The following PRKG2 variants were observed in gnomAD, a reference collection of about 807,000 sequenced individuals.
PRKG2 encodes the protein protein kinase cGMP-dependent 2.
PRKG2 carries 33 observed loss-of-function variants against 97.2 expected under a neutral mutation model. The ratio of observed to expected loss-of-function variants is 0.34; its 90% confidence interval spans 0.26 to 0.45. PRKG2 has a LOEUF of 0.45. Among genes scored for constraint, PRKG2 ranks in the 20% least tolerant of loss-of-function variants. The pLI is 1.00. For synonymous variants in PRKG2, 330 were observed against 321.8 expected (o/e 1.03, Z -0.27); for missense variants, 638 against 900.0 (o/e 0.71, Z 3.73).
chr4:81,205,802 G>A (rs1317304704), intron 1 of PRKG2, among the ~76,000 whole-genome samples: 1 of 152,054 alleles, frequency 6.6e-6, no homozygotes, highest in Non-Finnish European at 1.5e-5. Context: ...GGTGTAGTGT[G>A]GGAAGTTATG....
chr4:81,130,877 T>C (rs920427135), intron 14 of PRKG2, among the ~76,000 whole-genome samples: 1 of 152,206 alleles, frequency 6.6e-6, no homozygotes, highest in African/African-American at 2.4e-5. Context: ...ACTGCTGTGC[T>C]GGCAGGGAGA....
chr4:81,150,017 A>T (rs556255950), intron 8 of PRKG2, among the ~76,000 whole-genome samples: 2 of 152,146 alleles, frequency 1.3e-5, no homozygotes, highest in South Asian at 4.1e-4. Flanking sequence ...TATCAGTGAA[A>T]ACACTTCAGT....
At chr4:81,160,053 T>C (rs554588549) in intron 6 of PRKG2, among the ~76,000 whole-genome samples, 2 of 152,092 alleles carry the variant, frequency 1.3e-5, no homozygotes, top group African/African-American at 2.4e-5. Context: ...GGCACATGTA[T>C]ACATATGTAA....
intron 17 of PRKG2, among the ~76,000 whole-genome samples, chr4:81,103,977 G>C (rs1231124358): frequency 1.3e-5 from 2 of 152,140 alleles, no homozygotes; most frequent in Non-Finnish European, 1.5e-5. Context: ...ATTGCAATGA[G>C]CCAAGATCGT....
At chr4:81,149,737 CAAGGCACCCAGTGCTCTGAGATTCAT>C (rs1392094431) in intron 8 of PRKG2, among the ~76,000 whole-genome samples, 2 of 152,136 alleles carry the variant, frequency 1.3e-5, no homozygotes, top group African/African-American at 2.4e-5. Flanking sequence ...GGTACATCCA[CAAGGCACCCAGTGCTCTGAGATTCAT>C]TTAAGATGAC....
At chr4:81,110,641 G>C in intron 14 of PRKG2, 30 bp from the exon 15 acceptor site, 1 of 1,611,478 alleles carries the variant, frequency 6.2e-7, no homozygotes, top group South Asian at 1.1e-5. Flanking sequence ...AAATTGTGCA[G>C]AAACCATAAA....
intron 2 of PRKG2, among the ~76,000 whole-genome samples, chr4:81,183,032 A>C (rs1578484753): frequency 6.6e-6 from 1 of 152,272 alleles, no homozygotes; most frequent in East Asian, 1.9e-4. Flanking sequence ...AGCTGATATT[A>C]AATTCTTATA....
At chr4:81,150,476 G>A (rs1748277969) in intron 8 of PRKG2, among the ~76,000 whole-genome samples, 1 of 152,040 alleles carries the variant, frequency 6.6e-6, no homozygotes, top group Non-Finnish European at 1.5e-5. Flanking sequence ...GCATTAAAAG[G>A]CACAAAAATA....
upstream of PRKG2, among the ~76,000 whole-genome samples, chr4:81,216,875 G>T (rs1009407871): frequency 1.4e-5 from 2 of 142,516 alleles, no homozygotes; most frequent in South Asian, 4.4e-4. Context: ...TGTTTTTGTG[G>T]CTGGGTAGTA....
At chr4:81,099,425 C>G (rs549361320) in intron 17 of PRKG2, among the ~76,000 whole-genome samples, 14 of 152,120 alleles carry the variant, frequency 9.2e-5, no homozygotes, top group African/African-American at 3.4e-4. Context: ...AATCAATAAA[C>G]ATAATCCAGC....
At chr4:81,104,134 T>C (rs1743092486) in intron 17 of PRKG2, among the ~76,000 whole-genome samples, 1 of 152,164 alleles carries the variant, frequency 6.6e-6, no homozygotes, top group Non-Finnish European at 1.5e-5. Flanking sequence ...TGTGATTTTG[T>C]AACTTCTTTT....
intron 2 of PRKG2, chr4:81,192,177 T>C (rs1371978217): frequency 3.9e-5 from 6 of 152,190 alleles, no homozygotes; most frequent in African/African-American, 1.4e-4. Context: ...AATCTCACTC[T>C]AGGAACAAAA....
At chr4:81,132,134 T>C (rs1746244392) in intron 14 of PRKG2, among the ~76,000 whole-genome samples, 2 of 152,076 alleles carry the variant, frequency 1.3e-5, no homozygotes, top group Non-Finnish European at 2.9e-5. Context: ...TTTTTACATA[T>C]GAAATTTACT....
intron 14 of PRKG2, among the ~76,000 whole-genome samples, chr4:81,123,279 T>C (rs566316743): frequency 3.4e-4 from 52 of 152,374 alleles, no homozygotes; most frequent in African/African-American, 9.6e-4. Flanking sequence ...TTTGGTGAAA[T>C]TGGCCTTTCA....
chr4:81,168,773 A>G (rs916633042), intron 5 of PRKG2, among the ~76,000 whole-genome samples: 2 of 152,088 alleles, frequency 1.3e-5, no homozygotes, highest in Non-Finnish European at 2.9e-5. Context: ...TTCAATGTTT[A>G]TTGAGCCTAC....
chr4:81,103,219 T>A (rs1396332426), intron 17 of PRKG2, among the ~76,000 whole-genome samples: 1 of 152,212 alleles, frequency 6.6e-6, no homozygotes, highest in Non-Finnish European at 1.5e-5. Flanking sequence ...TGCAGGTGTG[T>A]TACGTATCTA....
chr4:81,137,513 T>C (rs767612650), intron 12 of PRKG2, 31 bp from the exon 13 acceptor site: 6 of 1,548,788 alleles, frequency 3.9e-6, no homozygotes, highest in African/African-American at 1.4e-5. Context: ...ATGGTTATTA[T>C]TGGAAATCTA....
chr4:81,138,254 G>A (rs955532840), intron 12 of PRKG2, among the ~76,000 whole-genome samples: 3 of 152,164 alleles, frequency 2.0e-5, no homozygotes, highest in African/African-American at 7.2e-5. Flanking sequence ...GCGGGACGTA[G>A]GCAGGGCATC....
rs190682733 is a variant in PRKG2 at position 81,191,619 on chromosome 4, G to A, written c.461+12968C>T. 7.3e-3 allele frequency among the ~76,000 whole-genome samples: 1,116 copies of A among 152,112 alleles called. 9 individuals are homozygous for A. The highest frequency in any genetic ancestry group is 0.013 in the Admixed American group (204 of 15,264). Reference sequence around the variant, plus strand: ...AAAATAAAAAAAGAATTCTGGGACAGAAAAGAAAATTCAAAAATTGACCTA... The same window carrying A: ...AAAATAAAAAAAGAATTCTGGGACAAAAAAGAAAATTCAAAAATTGACCTA... On this transcript the variant is annotated intron_variant, in intron 2 of 18. Coordinates refer to ENST00000264399, the MANE Select transcript of PRKG2 (RefSeq NM_006259.3).
Sources: gnomAD v4.1 joint callset for allele counts (sites outside exome capture counted in the v4.1 genomes callset) on GRCh38, gnomAD v4.1.1 for gene constraint, MANE v1.5 for transcripts, NCBI Gene and HGNC (gene_info 2026-07-23, HGNC 2026-07-21) for gene names.